CIMAP3: variants seen among roughly 807,000 people sequenced by gnomAD.
CIMAP3 encodes ciliary microtubule-associated protein 3.
the CIMAP3 span, chr1:111,351,295 C>T: frequency 1.7e-5 from 27 of 1,592,164 alleles, no homozygotes; most frequent in African/African-American, 9.6e-5. Flanking sequence ...GCATCGGAAC[C>T]GTGTGGCCTA....
the CIMAP3 span, among the ~76,000 whole-genome samples, chr1:111,339,391 A>G: frequency 3.3e-5 from 5 of 149,698 alleles, no homozygotes; most frequent in South Asian, 4.3e-4. Flanking sequence ...AGGGTATTCA[A>G]TTAGGAAAAG....
chr1:111,333,737 C>G, the CIMAP3 span, among the ~76,000 whole-genome samples: 1 of 152,178 alleles, frequency 6.6e-6, no homozygotes, highest in African/African-American at 2.4e-5. Flanking sequence ...CTTTGCTCCC[C>G]CACTGTACTA....
At chr1:111,341,833 T>C in the CIMAP3 span, among the ~76,000 whole-genome samples, 1 of 152,168 alleles carries the variant, frequency 6.6e-6, no homozygotes, top group Non-Finnish European at 1.5e-5. Flanking sequence ...ACTTTGGACT[T>C]ATTTCTCGTT....
chr1:111,350,603 A>T, the CIMAP3 span, among the ~76,000 whole-genome samples: 1 of 152,324 alleles, frequency 6.6e-6, no homozygotes, highest in East Asian at 1.9e-4. Flanking sequence ...ATACCCCTTG[A>T]GTACTAGATC....
chr1:111,326,716 TAA>T, the CIMAP3 span, among the ~76,000 whole-genome samples: 6 of 152,132 alleles, frequency 3.9e-5, no homozygotes, highest in East Asian at 1.9e-4. Context: ...CAACAATATA[TAA>T]GAGTTCCCTT....
the CIMAP3 span, among the ~76,000 whole-genome samples, chr1:111,327,668 A>G: frequency 1.3e-5 from 2 of 151,912 alleles, no homozygotes; most frequent in Middle Eastern, 3.4e-3. Flanking sequence ...GTAGTTTCTG[A>G]TGGTTATTTT....
the CIMAP3 span, among the ~76,000 whole-genome samples, chr1:111,337,664 C>T: frequency 6.6e-6 from 1 of 152,188 alleles, no homozygotes; most frequent in Non-Finnish European, 1.5e-5. Flanking sequence ...AATACATATG[C>T]ACCCAATACA....
At chr1:111,331,366 A>G in the CIMAP3 span, among the ~76,000 whole-genome samples, 2 of 152,056 alleles carry the variant, frequency 1.3e-5, no homozygotes, top group African/African-American at 4.8e-5. Context: ...AAATCCTGTA[A>G]TCTTTCTTCA....
the CIMAP3 span, among the ~76,000 whole-genome samples, chr1:111,340,144 G>T: frequency 1.3e-5 from 2 of 152,036 alleles, no homozygotes; most frequent in East Asian, 3.8e-4. Flanking sequence ...GGGAAAACTG[G>T]CTAGCTGTAT....
the CIMAP3 span, among the ~76,000 whole-genome samples, chr1:111,340,228 C>T: frequency 4.6e-5 from 7 of 151,688 alleles, no homozygotes; most frequent in Non-Finnish European, 1.0e-4. Context: ...AAGACTTAAA[C>T]GTTAGACCTA....
At chr1:111,342,288 A>G in the CIMAP3 span, among the ~76,000 whole-genome samples, 1 of 152,204 alleles carries the variant, frequency 6.6e-6, no homozygotes, top group Non-Finnish European at 1.5e-5. Context: ...AAAGAAAAAA[A>G]CTGCCAGCTA....
the CIMAP3 span, among the ~76,000 whole-genome samples, chr1:111,341,212 T>TG: frequency 4.0e-4 from 14 of 34,790 alleles, no homozygotes; most frequent in East Asian, 2.0e-3. Flanking sequence ...TGTTGTGGGG[T>TG]GGGGGGAAGG....
the CIMAP3 span, among the ~76,000 whole-genome samples, chr1:111,336,542 A>T: frequency 6.6e-6 from 1 of 152,242 alleles, no homozygotes; most frequent in Non-Finnish European, 1.5e-5. Context: ...CGAGAACTAC[A>T]TGAAGAATGC....
At chr1:111,346,299 G>A in the CIMAP3 span, 1 of 208,986 alleles carries the variant, frequency 4.8e-6, no homozygotes, top group Non-Finnish European at 9.6e-6. Flanking sequence ...CTTACTTGCT[G>A]GTGGCCCAGA....
At chr1:111,333,337 A>G in the CIMAP3 span, among the ~76,000 whole-genome samples, 1 of 152,176 alleles carries the variant, frequency 6.6e-6, no homozygotes, top group Non-Finnish European at 1.5e-5. Flanking sequence ...GATGGAGCGC[A>G]GTGCTGGAGA....
At chr1:111,330,537 T>C in the CIMAP3 span, among the ~76,000 whole-genome samples, 19 of 152,230 alleles carry the variant, frequency 1.2e-4, 1 homozygote, top group East Asian at 3.7e-3. Flanking sequence ...GACTCTTGCT[T>C]GGTTATGCAG....
chr1:111,330,444 G>A, the CIMAP3 span, among the ~76,000 whole-genome samples: 4 of 152,218 alleles, frequency 2.6e-5, no homozygotes, highest in East Asian at 5.8e-4. Flanking sequence ...TTCAGAGGGA[G>A]GCTCGTTAGT....
At chr1:111,334,790 C>T in the CIMAP3 span, among the ~76,000 whole-genome samples, 1 of 151,862 alleles carries the variant, frequency 6.6e-6, no homozygotes, top group African/African-American at 2.4e-5. Context: ...CAGAATGGAT[C>T]AATGAAAGGA....
the CIMAP3 span, among the ~76,000 whole-genome samples, chr1:111,329,186 T>C: frequency 6.6e-6 from 1 of 152,160 alleles, no homozygotes; most frequent in African/African-American, 2.4e-5. Context: ...CAATCTCTTC[T>C]GGCTTGCAGG....
Sources: gnomAD v4.1 joint callset for allele counts (sites outside exome capture counted in the v4.1 genomes callset) on GRCh38, gnomAD v4.1.1 for gene constraint, MANE v1.5 for transcripts, NCBI Gene and HGNC (gene_info 2026-07-23, HGNC 2026-07-21) for gene names.